Variants in CARMIL3 observed in about 807,000 individuals in gnomAD.
CARMIL3 encodes the protein capping protein, Arp2/3 and myosin-I linker protein 3.
In CARMIL3, 88 loss-of-function variants were observed where a neutral mutation model predicts 180.8. That is an observed-to-expected ratio of 0.49 (90% CI 0.41 to 0.58). The LOEUF (loss-of-function observed/expected upper bound fraction) is 0.58. Among genes scored for constraint, CARMIL3 ranks in the 20% least tolerant of loss-of-function variants. The pLI is 0.00. For synonymous variants in CARMIL3, 696 were observed against 714.5 expected (o/e 0.97, Z 0.41); for missense variants, 1,548 against 1,787.0 (o/e 0.87, Z 2.41).
Position 24,059,652 on chromosome 14 carries a change from C to A in CARMIL3, c.1800-12C>A. The A allele has an allele frequency of 1.2e-6, 2 of 1,613,794 alleles. No individual in the cohort carries two copies. The highest frequency in any genetic ancestry group is 2.2e-5 in the East Asian group (1 of 44,880). On this transcript the variant is annotated splice_polypyrimidine_tract_variant and intron_variant, in intron 21 of 39. Transcript: ENST00000342740. This position sits in a 1 kb window ranked among gnomAD's most constrained non-coding sequence, Gnocchi z 6.3. ...AGGAGAGGTGCCAAACTGGTGCTTA[C>A]CCTCCCCCCAGAACTATCCTATGGG...
intron 32 of CARMIL3, 25 bp from the exon 33 acceptor site, chr14:24,064,933 G>T: frequency 6.2e-7 from 1 of 1,603,288 alleles, no homozygotes; most frequent in Non-Finnish European, 8.5e-7. Flanking sequence ...GGCATTTGTT[G>T]CTAACTTACC....
Position 24,056,390 on chromosome 14 carries a change from A to C in CARMIL3, c.862A>C (p.Lys288Gln). The C allele has an allele frequency of 6.2e-7, 1 of 1,612,974 alleles. No individual in the cohort carries two copies. The highest frequency in any genetic ancestry group is 8.5e-7 in the Non-Finnish European group (1 of 1,179,236). The change falls in exon 11 of 40, where the codon AAG becomes CAG. Residue 288 changes from lysine to glutamine, a missense_variant. This residue lies in a region of CARMIL3 where 578 missense variants were observed against 666.5 expected (regional missense o/e 0.87). Coordinates refer to ENST00000342740, the MANE Select transcript of CARMIL3 (RefSeq NM_138360.4). Reference sequence around the variant, plus strand: ...TCTGTCCCACAACCCCATCGAGGACAAGGGTGAGCCCCAGCCCTGAATCCT... The same window carrying C: ...TCTGTCCCACAACCCCATCGAGGACCAGGGTGAGCCCCAGCCCTGAATCCT... ...LTLSHNPIED[K>Q]GFLSLSQQLL...
At chr14:24,053,241 C>T (rs2035636841) in intron 1 of CARMIL3, among the ~76,000 whole-genome samples, 1 of 152,094 alleles carries the variant, frequency 6.6e-6, no homozygotes, top group African/African-American at 2.4e-5. Flanking sequence ...ACTCAGGCTC[C>T]CTGACATCTC....
Position 24,063,188 on chromosome 14 carries a change from G to A in CARMIL3, c.2770+5G>A. The stretch of plus-strand genomic sequence containing the variant: ...GGCCGGTGTCTGCCTTCATCAGTGA[G>A]TCTCCCAGCCTCCGTTCTCATGGAC... On this transcript the variant is annotated splice_donor_5th_base_variant and intron_variant, in intron 30 of 39. Coordinates refer to ENST00000342740, the MANE Select transcript of CARMIL3 (RefSeq NM_138360.4). 6.2e-7 allele frequency: 1 copy of A among 1,612,410 alleles called. No homozygotes were observed. The highest frequency in any genetic ancestry group is 8.5e-7 in the Non-Finnish European group (1 of 1,178,582).
chr14:24,052,243 A>G, intron 1 of CARMIL3, 50 bp downstream of exon 1: 1 of 1,530,618 alleles, frequency 6.5e-7, no homozygotes, highest in Non-Finnish European at 8.8e-7. Context: ...AGCATCCCAG[A>G]CCCAGCGCGT....
intron 1 of CARMIL3, among the ~76,000 whole-genome samples, chr14:24,052,869 C>A (rs531111423): frequency 6.6e-6 from 1 of 152,342 alleles, no homozygotes; most frequent in Admixed American, 6.5e-5. Context: ...CAGGCCCGGC[C>A]ACCCAGCACT....
Position 24,069,621 on chromosome 14 carries a change from G to A in CARMIL3, c.*217G>A. On this transcript the variant is annotated 3_prime_UTR_variant, in exon 40 of 40. Coordinates refer to ENST00000342740, the MANE Select transcript of CARMIL3 (RefSeq NM_138360.4). ...GCCTGCCTCGATACCTCTCTCTGCA[G>A]AGAGCTTCTGGGTGGGGGCTTATCT... 1.7e-6 allele frequency: 1 copy of A among 604,026 alleles called. No individual in the cohort carries two copies. The highest frequency in any genetic ancestry group is 2.9e-6 in the Non-Finnish European group (1 of 342,614). 37.4% of individuals were successfully genotyped at this position (604,026 alleles called of 1,614,324 possible).
At chr14:24,062,450 T>C (rs1184084526) in intron 27 of CARMIL3, 30 bp from the exon 28 acceptor site, 1 of 1,598,840 alleles carries the variant, frequency 6.3e-7, no homozygotes, top group African/African-American at 1.3e-5. Flanking sequence ...GAGGTGCTAA[T>C]GTTCTGAGTA....
chr14:24,053,881 G>C lies in CARMIL3; in HGVS notation c.135+78G>C, dbSNP rs948600044. On this transcript the variant is annotated intron_variant, in intron 2 of 39. Coordinates refer to ENST00000342740, the MANE Select transcript of CARMIL3 (RefSeq NM_138360.4). ...GCCAGTAGAGGGCAGGGAGCCGGGA[G>C]GACAGAAGAGACAGAAGTGGGTGGA... 74 of 1,338,040 alleles carry C rather than the reference G, an allele frequency of 5.5e-5. No individual in the cohort carries two copies. The African/African-American group carries it at 9.3e-4, about 17-fold the overall frequency. The allele number at this position is 1,338,040 out of a possible 1,614,324, so 82.9% of individuals were successfully genotyped here.
intron 34 of CARMIL3, 86 bp from the exon 35 acceptor site, chr14:24,066,312 T>G: frequency 2.0e-6 from 3 of 1,464,286 alleles, no homozygotes; most frequent in South Asian, 1.2e-5. Flanking sequence ...GAGAATGACA[T>G]GGAGATGCTA....
chr14:24,062,231 CCTT>C lies in CARMIL3; in HGVS notation c.2481-246_2481-244del, dbSNP rs937862454. On this transcript the variant is annotated intron_variant, in intron 27 of 39. Transcript: ENST00000342740. ...GGGCCTGACCTAGGGCCCCCTTGCTCCTTCTCCTCGAATTCCTCTTTCCCCACA... is the reference window on the plus strand; with the variant it reads ...GGGCCTGACCTAGGGCCCCCTTGCTCCTCCTCGAATTCCTCTTTCCCCACA... 2.1e-5 allele frequency: 12 copies of C among 575,908 alleles called. No homozygotes were observed. In the African/African-American group the frequency reaches 2.3e-4, roughly 11 times the overall value. 35.7% of individuals were successfully genotyped at this position (575,908 alleles called of 1,614,324 possible).
chr14:24,067,546 T>C (rs1353011383), intron 36 of CARMIL3, among the ~76,000 whole-genome samples: 2 of 152,262 alleles, frequency 1.3e-5, no homozygotes, highest in African/African-American at 4.8e-5. Context: ...CCATTCTGCA[T>C]CTGCCCCTCT....
At position 24,058,884 on chromosome 14, in the gene CARMIL3, C is replaced by A. The variant is rs1022358618; in HGVS notation, c.1475-6C>A. On this transcript the variant is annotated splice_region_variant and splice_polypyrimidine_tract_variant and intron_variant, in intron 18 of 39. Transcript: ENST00000342740. The surrounding 1 kb of genome is among the most constrained non-coding windows in gnomAD (Gnocchi z 6.4). ...CCAGGCCAGGCCTCTCCCATCTGCT[C>A]ACCAGGGTTCGACTCGGACCTCCTG... is the stretch of plus-strand genomic sequence containing the variant. 4 of 1,614,076 alleles carry A rather than the reference C, an allele frequency of 2.5e-6. No homozygotes were observed. The highest frequency in any genetic ancestry group is 1.3e-5 in the African/African-American group (1 of 74,934).
At chr14:24,060,815 A>G in intron 25 of CARMIL3, 59 bp downstream of exon 25, 1 of 1,581,444 alleles carries the variant, frequency 6.3e-7, no homozygotes, top group African/African-American at 1.3e-5. Context: ...AAGGCCGACC[A>G]TGCTAAGCCA....
chr14:24,053,051 C>A (rs566137071), intron 1 of CARMIL3, among the ~76,000 whole-genome samples: 1 of 149,874 alleles, frequency 6.7e-6, no homozygotes, highest in East Asian at 1.9e-4. Context: ...GGCACCCCAG[C>A]ACACGCGCGT....
Position 24,061,887 on chromosome 14 carries a change from G to A in CARMIL3, c.2480+215G>A. The A allele has an allele frequency of 1.7e-6, 1 of 574,988 alleles. No individual in the cohort carries two copies. Among genetic ancestry groups the A allele is most frequent in the South Asian group, 2.1e-5 (1 of 47,226 alleles). 35.6% of individuals were successfully genotyped at this position (574,988 alleles called of 1,614,324 possible). ...GCTGGGGTTTAGGAGCCAAGTTTGT[G>A]CCCACACAGGTGTACACACACATAC... On this transcript the variant is annotated intron_variant, in intron 27 of 39. Coordinates refer to ENST00000342740, the MANE Select transcript of CARMIL3 (RefSeq NM_138360.4). The surrounding 1 kb of genome is among the most constrained non-coding windows in gnomAD (Gnocchi z 4.1).
rs1301948536 is a variant in CARMIL3 at position 24,061,705 on chromosome 14, T to C, written c.2480+33T>C. On this transcript the variant is annotated intron_variant, in intron 27 of 39. Transcript: ENST00000342740. The surrounding 1 kb of genome is among the most constrained non-coding windows in gnomAD (Gnocchi z 4.1). ...GCAAAGGGCAGGGCTGGGGCTGAGCTGGATTTGGCCCAGATCACTTAGGGA... is the reference window on the plus strand; with the variant it reads ...GCAAAGGGCAGGGCTGGGGCTGAGCCGGATTTGGCCCAGATCACTTAGGGA... 6.3e-7 allele frequency: 1 copy of C among 1,599,926 alleles called. No individual in the cohort carries two copies. Among genetic ancestry groups the C allele is most frequent in the Non-Finnish European group, 8.5e-7 (1 of 1,171,398 alleles).
Position 24,054,193 on chromosome 14 carries a change from C to A in CARMIL3, c.187-49C>A, listed in dbSNP as rs1394227047. Reference sequence around the variant, plus strand: ...CTGGCATGCTCCCTACCTCCCAAGCCTGGCAACCCAGGTCCTTACCAGGAG... The same window carrying A: ...CTGGCATGCTCCCTACCTCCCAAGCATGGCAACCCAGGTCCTTACCAGGAG... On this transcript the variant is annotated intron_variant, in intron 3 of 39. Coordinates refer to ENST00000342740, the MANE Select transcript of CARMIL3 (RefSeq NM_138360.4). This position sits in a 1 kb window ranked among gnomAD's most constrained non-coding sequence, Gnocchi z 5.1. 1.2e-6 allele frequency: 2 copies of A among 1,614,164 alleles called. No homozygotes were observed. The highest frequency in any genetic ancestry group is 1.7e-6 in the Non-Finnish European group (2 of 1,179,996).
chr14:24,062,624 C>A (rs1254660959), intron 28 of CARMIL3, 57 bp downstream of exon 28: 1 of 1,613,364 alleles, frequency 6.2e-7, no homozygotes, highest in Non-Finnish European at 8.5e-7. Flanking sequence ...CCCACATTAT[C>A]CTGTCTCCCT....
Sources: allele counts gnomAD v4.1 joint callset (sites outside exome capture counted in the v4.1 genomes callset), GRCh38; gene constraint gnomAD v4.1.1; regional missense constraint gnomAD v4.1.1; non-coding constraint Gnocchi (gnomAD v3.1); transcripts MANE v1.5; gene names NCBI Gene and HGNC (gene_info 2026-07-23, HGNC 2026-07-21).